GDPD1: variants seen among roughly 807,000 people sequenced by gnomAD.
The protein encoded by GDPD1 is lysophospholipase D GDPD1.
In GDPD1, 28 loss-of-function variants were observed where a neutral mutation model predicts 45.1. That is an observed-to-expected ratio of 0.62 (90% confidence interval 0.46 to 0.85). The LOEUF (loss-of-function observed/expected upper bound fraction) is 0.85, where lower values mean the gene tolerates loss of function less well. GDPD1 is among the 40% of genes least tolerant of loss of function. GDPD1 has a pLI of 0.00. For missense variants in GDPD1, 256 were observed against 364.8 expected, an observed-to-expected ratio of 0.70 and a Z score of 2.43; for synonymous variants, 139 against 131.4, an observed-to-expected ratio of 1.06 and a Z score of -0.40.
chr17:59,255,625 C>A (rs2047290453), intron 4 of GDPD1, among the ~76,000 whole-genome samples: 1 of 147,512 alleles, frequency 6.8e-6, no homozygotes, highest in African/African-American at 2.5e-5. Flanking sequence ...CGCCTGTAAT[C>A]CCAGCTACTT....
intron 2 of GDPD1, among the ~76,000 whole-genome samples, chr17:59,243,961 T>C (rs983658865): frequency 6.6e-6 from 1 of 152,112 alleles, no homozygotes; most frequent in Admixed American, 6.6e-5. Context: ...GGTGAATCCA[T>C]AGAGGTCTGC....
At chr17:59,257,321 A>G in intron 5 of GDPD1, 81 bp downstream of exon 5, 2 of 708,414 alleles carry the variant, frequency 2.8e-6, no homozygotes, top group Non-Finnish European at 4.9e-6. Flanking sequence ...GACTGCATAG[A>G]TTGATAATGC....
Position 59,265,066 on chromosome 17 carries a change from C to G in GDPD1, c.577-1975C>G, listed in dbSNP as rs543849316. ...ATGTTGGCCAGGCTGGTCTCGAAGT[C>G]ATGACTTCAAGTGATCCACCCGCCT... is the stretch of plus-strand genomic sequence containing the variant. On this transcript the variant is annotated intron_variant, in intron 6 of 9. Coordinates refer to ENST00000284116, the MANE Select transcript of GDPD1 (RefSeq NM_182569.4). Among the ~76,000 whole-genome samples the G allele has an allele frequency of 1.4e-3, 214 of 152,184 alleles. 1 individual carries two copies. Among genetic ancestry groups the G allele is most frequent in the African/African-American group, 5.0e-3 (209 of 41,542 alleles).
At chr17:59,232,885 TA>T (rs77660195) in intron 1 of GDPD1, among the ~76,000 whole-genome samples, 41,839 of 150,296 alleles carry the variant, frequency 0.28, 6,497 homozygotes, top group African/African-American at 0.42. Flanking sequence ...TCTTCTCACT[TA>T]AAAAAAAAAT....
intron 7 of GDPD1, among the ~76,000 whole-genome samples, chr17:59,268,733 G>C (rs1246087263): frequency 2.0e-5 from 3 of 151,998 alleles, no homozygotes; most frequent in Non-Finnish European, 4.4e-5. Flanking sequence ...TAGTGTAGCA[G>C]TCATCAGACA....
At chr17:59,251,292 G>C (rs1424363026) in intron 4 of GDPD1, among the ~76,000 whole-genome samples, 1 of 152,074 alleles carries the variant, frequency 6.6e-6, no homozygotes, top group African/African-American at 2.4e-5. Context: ...GCCGAGACAG[G>C]TGGATCACCT....
intron 2 of GDPD1, among the ~76,000 whole-genome samples, chr17:59,238,799 C>G (rs908658386): frequency 2.6e-5 from 4 of 152,140 alleles, no homozygotes; most frequent in African/African-American, 7.2e-5. Context: ...TAAATAGACA[C>G]TCACTAGTTG....
intron 2 of GDPD1, among the ~76,000 whole-genome samples, chr17:59,244,053 C>T (rs913435126): frequency 6.6e-6 from 1 of 152,038 alleles, no homozygotes; most frequent in African/African-American, 2.4e-5. Flanking sequence ...GCAAGTTTTA[C>T]CACAAGAGTG....
At position 59,274,861 on chromosome 17, in the gene GDPD1, A is replaced by T. The variant is rs1232718680; in HGVS notation, c.*1088A>T. On this transcript the variant is annotated 3_prime_UTR_variant, in exon 10 of 10. Coordinates refer to ENST00000284116, the MANE Select transcript of GDPD1 (RefSeq NM_182569.4). ...GTAAAAGATTTTTTTTTTTTTTTTGACATGTAGTCTTGCTCTGTCGCCGAG... is the reference window on the plus strand; with the variant it reads ...GTAAAAGATTTTTTTTTTTTTTTTGTCATGTAGTCTTGCTCTGTCGCCGAG... 7.9e-5 allele frequency among the ~76,000 whole-genome samples: 11 copies of T among 139,142 alleles called. No individual in the cohort carries two copies. Among genetic ancestry groups the T allele is most frequent in the Non-Finnish European group, 1.1e-4 (7 of 65,328 alleles). The allele number at this position is 139,142 out of a possible 152,430, so 91.3% of individuals were successfully genotyped here.
At chr17:59,228,935 G>A (rs934857381) in intron 1 of GDPD1, among the ~76,000 whole-genome samples, 1 of 151,318 alleles carries the variant, frequency 6.6e-6, no homozygotes, top group Non-Finnish European at 1.5e-5. Flanking sequence ...TGTTACTGTG[G>A]CTGTGTTTTG....
intron 9 of GDPD1, 97 bp from the exon 10 acceptor site, chr17:59,273,554 T>C (rs1396442173): frequency 1.8e-6 from 1 of 566,010 alleles, no homozygotes; most frequent in African/African-American, 1.9e-5. Flanking sequence ...AAAGGTTATT[T>C]CTAAATGTAC....
At chr17:59,245,382 T>A in intron 2 of GDPD1, 32 bp from the exon 3 acceptor site, 1 of 1,587,376 alleles carries the variant, frequency 6.3e-7, no homozygotes, top group Non-Finnish European at 8.6e-7. Flanking sequence ...TATACTTAAG[T>A]GTCAGATGTC....
At chr17:59,262,630 TTTTTTTTTG>T (rs1156985465) in intron 6 of GDPD1, among the ~76,000 whole-genome samples, 3 of 74,448 alleles carry the variant, frequency 4.0e-5, no homozygotes, top group East Asian at 4.8e-4. Context: ...CTTGGTTTTG[TTTTTTTTTG>T]TTTTTTTTTT....
At chr17:59,257,648 T>C in intron 5 of GDPD1, 103 bp from the exon 6 acceptor site, 1 of 713,964 alleles carries the variant, frequency 1.4e-6, no homozygotes, top group Non-Finnish European at 2.4e-6. Flanking sequence ...AAAGTTATGC[T>C]ATTCATTCAC....
intron 3 of GDPD1, among the ~76,000 whole-genome samples, chr17:59,246,187 A>G (rs1597975146): frequency 6.6e-6 from 1 of 152,188 alleles, no homozygotes; most frequent in Non-Finnish European, 1.5e-5. Context: ...AGGAAAAATC[A>G]TGCATAATGT....
At chr17:59,265,366 C>T (rs1041461893) in intron 6 of GDPD1, among the ~76,000 whole-genome samples, 2 of 149,724 alleles carry the variant, frequency 1.3e-5, no homozygotes, top group Admixed American at 1.3e-4. Context: ...GAGATTCTGT[C>T]TCTACAAAAA....
chr17:59,228,916 A>G (rs1319370945), intron 1 of GDPD1, among the ~76,000 whole-genome samples: 2 of 151,370 alleles, frequency 1.3e-5, no homozygotes, highest in Non-Finnish European at 2.9e-5. Flanking sequence ...TTCTGTTTTA[A>G]CCCTCCTGTG....
rs2047473952 is a variant in GDPD1, at chr17:59,275,394, G to T, written c.*1621G>T. ...GTTGTTAATGGAACATTCTATTTGA[G>T]ACCTTTTTCAGGTGTGTAGCAATTC... is the stretch of plus-strand genomic sequence containing the variant. On this transcript the variant is annotated 3_prime_UTR_variant, in exon 10 of 10. Coordinates refer to ENST00000284116, the MANE Select transcript of GDPD1 (RefSeq NM_182569.4). 2.1e-6 allele frequency: 1 copy of T among 479,894 alleles called. No homozygotes were observed. The highest frequency in any genetic ancestry group is 3.4e-5 in the East Asian group (1 of 29,130). The allele number at this position is 479,894 out of a possible 1,614,324, so 29.7% of individuals were successfully genotyped here. A position where few individuals can be genotyped will look rare whatever the true frequency, so the allele number is the denominator to read the frequency against.
rs2047452408 is a variant in GDPD1, at chr17:59,272,630, CAT to C, written c.771-153_771-152del. Among the ~76,000 whole-genome samples, 3 of 152,330 alleles carry C rather than the reference CAT, an allele frequency of 2.0e-5. No individual in the cohort carries two copies. The South Asian group carries it at 6.2e-4, about 32-fold the overall frequency. ...GTGAAAGGAGATCCAGCAATTAAGA[CAT>C]AAATTAATTCACAACAGCTATTATT... is the stretch of plus-strand genomic sequence containing the variant. On this transcript the variant is annotated intron_variant, in intron 8 of 9. Coordinates refer to ENST00000284116, the MANE Select transcript of GDPD1 (RefSeq NM_182569.4).
Sources: gnomAD v4.1 joint callset for allele counts (sites outside exome capture counted in the v4.1 genomes callset) on GRCh38, gnomAD v4.1.1 for gene constraint, MANE v1.5 for transcripts, NCBI Gene and HGNC (gene_info 2026-07-23, HGNC 2026-07-21) for gene names.